Variants in GLRA3 observed in about 807,000 individuals in gnomAD.
The protein encoded by GLRA3 is glycine receptor alpha 3.
A neutral mutation model predicts 60.4 loss-of-function variants in GLRA3; 44 were observed. That is an observed-to-expected ratio of 0.73 (90% CI 0.57 to 0.94). The LOEUF (loss-of-function observed/expected upper bound fraction) is 0.94, where lower values mean the gene tolerates loss of function less well. GLRA3 is among the 40% of genes least tolerant of loss of function. The pLI is 0.00. For missense variants in GLRA3, 508 were observed against 564.6 expected, an observed-to-expected ratio of 0.90 and a Z score of 1.02; for synonymous variants, 223 against 192.9, an observed-to-expected ratio of 1.16 and a Z score of -1.29.
At chr4:174,728,722 GAA>G (rs3834804) in intron 3 of GLRA3, 24 bp from the exon 4 acceptor site, 81,877 of 1,217,502 alleles carry the variant, frequency 0.067, 3,748 homozygotes, top group African/African-American at 0.17. Flanking sequence ...ATGAAAGAAA[GAA>G]AAAAAAAAAC....
intron 3 of GLRA3, among the ~76,000 whole-genome samples, chr4:174,765,497 G>A (rs1415419412): frequency 2.0e-5 from 3 of 151,974 alleles, no homozygotes; most frequent in Admixed American, 6.6e-5. Flanking sequence ...GATTACACAT[G>A]TATAGAAACA....
intron 4 of GLRA3, among the ~76,000 whole-genome samples, chr4:174,727,767 T>C (rs1736381554): frequency 6.6e-6 from 1 of 152,158 alleles, no homozygotes; most frequent in African/African-American, 2.4e-5. Flanking sequence ...TAGTGTTTAT[T>C]GTTTGGTATT....
Position 174,666,759 on chromosome 4 carries a change from TTA to T in GLRA3, c.928-7564_928-7563del, listed in dbSNP as rs1282330518. On this transcript the variant is annotated intron_variant, in intron 7 of 9. Transcript: ENST00000274093. ...ATAAGAATATATATATATATATATA[TTA>T]TATATATATATATATATATAATTGG... 9.8e-3 allele frequency among the ~76,000 whole-genome samples: 525 copies of T among 53,340 alleles called. 1 individual carries two copies. The highest frequency in any genetic ancestry group is 0.035 in the African/African-American group (202 of 5,792). The allele number at this position is 53,340 out of a possible 152,430, so 35.0% of individuals were successfully genotyped here.
At chr4:174,796,904 A>G (rs1187217597) in intron 1 of GLRA3, among the ~76,000 whole-genome samples, 2 of 152,096 alleles carry the variant, frequency 1.3e-5, no homozygotes, top group Non-Finnish European at 2.9e-5. Context: ...CTCTTACTTT[A>G]ATATATTTCT....
intron 3 of GLRA3, among the ~76,000 whole-genome samples, chr4:174,746,011 C>T (rs1054585079): frequency 3.9e-5 from 6 of 151,964 alleles, no homozygotes; most frequent in African/African-American, 7.2e-5. Context: ...CTGGTGAGGA[C>T]GCAGAGAAAA....
At chr4:174,798,941 A>AG (rs1385584169) in intron 1 of GLRA3, among the ~76,000 whole-genome samples, 10 of 152,198 alleles carry the variant, frequency 6.6e-5, no homozygotes, top group Non-Finnish European at 8.8e-5. Context: ...AAAAAAAAAA[A>AG]GATTTTTAAA....
intron 7 of GLRA3, among the ~76,000 whole-genome samples, chr4:174,661,123 G>A (rs977997134): frequency 1.3e-5 from 2 of 151,980 alleles, no homozygotes; most frequent in African/African-American, 2.4e-5. Context: ...CTCCCTAAGT[G>A]GTATCGTTTC....
intron 1 of GLRA3, among the ~76,000 whole-genome samples, chr4:174,807,604 C>T (rs1740101427): frequency 6.6e-6 from 1 of 151,876 alleles, no homozygotes; most frequent in South Asian, 2.1e-4. Context: ...TTTTGTAAAC[C>T]TGCCAAAAAT....
At chr4:174,737,024 T>A (rs4695959) in intron 3 of GLRA3, among the ~76,000 whole-genome samples, 1 of 152,092 alleles carries the variant, frequency 6.6e-6, no homozygotes, top group African/African-American at 2.4e-5. Flanking sequence ...TGCATACAAG[T>A]ACTTTTCATG....
intron 7 of GLRA3, among the ~76,000 whole-genome samples, chr4:174,665,322 T>G (rs1013659563): frequency 1.3e-5 from 2 of 151,808 alleles, no homozygotes; most frequent in African/African-American, 4.8e-5. Context: ...GGTCTCAGCT[T>G]GTAAGCTACT....
chr4:174,647,411 G>GAAAA (rs11424236), intron 9 of GLRA3, among the ~76,000 whole-genome samples: 1 of 134,984 alleles, frequency 7.4e-6, no homozygotes, highest in Non-Finnish European at 1.6e-5. Context: ...CCCATCTCAA[G>GAAAA]AAAAAAAAAA....
intron 5 of GLRA3, among the ~76,000 whole-genome samples, chr4:174,686,513 A>ACG (rs1407106106): frequency 6.6e-6 from 1 of 152,230 alleles, no homozygotes; most frequent in African/African-American, 2.4e-5. Context: ...GCTCAGGGCA[A>ACG]CCAAACGCTT....
At chr4:174,646,882 T>C (rs1373863959) in intron 9 of GLRA3, among the ~76,000 whole-genome samples, 1 of 152,138 alleles carries the variant, frequency 6.6e-6, no homozygotes, top group East Asian at 1.9e-4. Flanking sequence ...TTCAGATCCT[T>C]TGAGACTCAA....
intron 5 of GLRA3, among the ~76,000 whole-genome samples, chr4:174,688,561 G>A (rs1389058739): frequency 7.0e-6 from 1 of 142,972 alleles, no homozygotes; most frequent in African/African-American, 2.6e-5. Context: ...ATAGAGAAGG[G>A]ATAAAGGGGA....
At chr4:174,802,089 T>G (rs1188716636) in intron 1 of GLRA3, among the ~76,000 whole-genome samples, 1 of 152,004 alleles carries the variant, frequency 6.6e-6, no homozygotes, top group Non-Finnish European at 1.5e-5. Context: ...GCCTCAGAAT[T>G]TGATCCTCCA....
intron 5 of GLRA3, among the ~76,000 whole-genome samples, chr4:174,707,202 C>G (rs1735550763): frequency 6.6e-6 from 1 of 152,022 alleles, no homozygotes; most frequent in Non-Finnish European, 1.5e-5. Flanking sequence ...TGCACTGTTG[C>G]AAGGTTTTCA....
At chr4:174,790,434 A>G (rs73006492) in intron 1 of GLRA3, among the ~76,000 whole-genome samples, 13,218 of 152,098 alleles carry the variant, frequency 0.087, 644 homozygotes, top group Non-Finnish European at 0.098. Flanking sequence ...TTATTCTACC[A>G]TCTGGTTTTA....
In GLRA3 at chr4:174,643,040, A is replaced by C. The variant is rs1291092170; in HGVS notation, c.*746T>G. The C allele has an allele frequency of 3.1e-6, 3 of 953,438 alleles. No homozygotes were observed. Among genetic ancestry groups the C allele is most frequent in the Non-Finnish European group, 3.7e-6 (3 of 801,470 alleles). The allele number at this position is 953,438 out of a possible 1,614,324, so 59.1% of individuals were successfully genotyped here. On this transcript the variant is annotated 3_prime_UTR_variant, in exon 10 of 10. Transcript: ENST00000274093. The stretch of plus-strand genomic sequence containing the variant: ...TCAATGTTTGGCAATAACTAAAAAT[A>C]CATAGCTATAATACTTATTTAAAAA...
In GLRA3 at chr4:174,688,317, TCATATATATATATATATATATATATA is replaced by T. The variant is rs1481580981; in HGVS notation, c.575-5404_575-5379del. Among the ~76,000 whole-genome samples the T allele has an allele frequency of 5.3e-4, 38 of 71,334 alleles. 2 individuals carry two copies. Among genetic ancestry groups the T allele is most frequent in the Admixed American group, 5.9e-4 (3 of 5,090 alleles). The allele number at this position is 71,334 out of a possible 152,430, so 46.8% of individuals were successfully genotyped here. A position where few individuals can be genotyped will look rare whatever the true frequency, so the allele number is the denominator to read the frequency against. ...CCATAGTACTTATCCTTACCTGACA[TCATATATATATATATATATATATATA>T]TATATATATATATATATATATATAT... On this transcript the variant is annotated intron_variant, in intron 5 of 9. Coordinates refer to ENST00000274093, the MANE Select transcript of GLRA3 (RefSeq NM_006529.4).
Sources: allele counts gnomAD v4.1 joint callset (sites outside exome capture counted in the v4.1 genomes callset), GRCh38; gene constraint gnomAD v4.1.1; transcripts MANE v1.5; gene names NCBI Gene and HGNC (gene_info 2026-07-23, HGNC 2026-07-21).